DLGAP1: variants seen among roughly 807,000 people sequenced by gnomAD.
DLGAP1 encodes disks large-associated protein 1.
DLGAP1 carries 11 observed loss-of-function variants against 90.8 expected under a neutral mutation model. That is an observed-to-expected ratio of 0.12 (90% CI 0.08 to 0.20). The LOEUF is 0.20. Among genes scored for constraint, DLGAP1 ranks in the 10% least tolerant of loss-of-function variants. The pLI, the probability that DLGAP1 is intolerant of heterozygous loss-of-function variation, is 1.00. For missense variants in DLGAP1, 1,050 were observed against 1,333.8 expected (o/e 0.79, Z 3.31); for synonymous variants, 558 against 540.7 (o/e 1.03, Z -0.44).
intron 7 of DLGAP1, among the ~76,000 whole-genome samples, chr18:3,632,523 G>A (rs111635108): frequency 0.12 from 17,817 of 152,036 alleles, 1,217 homozygotes; most frequent in African/African-American, 0.12. Flanking sequence ...GGCTGGTCTT[G>A]AACTCCTGAC....
At chr18:3,645,209 G>A (rs988453224) in intron 7 of DLGAP1, among the ~76,000 whole-genome samples, 1 of 152,046 alleles carries the variant, frequency 6.6e-6, no homozygotes, top group Non-Finnish European at 1.5e-5. Flanking sequence ...AGGATCACCT[G>A]AGCCTCCCGA....
intron 3 of DLGAP1, among the ~76,000 whole-genome samples, chr18:3,938,201 T>C (rs1172871782): frequency 6.6e-6 from 1 of 152,112 alleles, no homozygotes; most frequent in African/African-American, 2.4e-5. Flanking sequence ...TTGGAAAACA[T>C]TAAAAACTCC....
intron 2 of DLGAP1, among the ~76,000 whole-genome samples, chr18:4,103,633 A>G (rs1316416610): frequency 6.6e-6 from 1 of 152,164 alleles, no homozygotes; most frequent in Non-Finnish European, 1.5e-5. Context: ...AGTATTGAAT[A>G]ATACCTGAGA....
At chr18:4,017,507 C>T (rs1410463160) in intron 2 of DLGAP1, among the ~76,000 whole-genome samples, 1 of 152,166 alleles carries the variant, frequency 6.6e-6, no homozygotes, top group Non-Finnish European at 1.5e-5. Flanking sequence ...GATTTTTACT[C>T]ATTTTCCTCA....
At chr18:4,157,794 C>T (rs79401238) in intron 1 of DLGAP1, among the ~76,000 whole-genome samples, 4 of 152,102 alleles carry the variant, frequency 2.6e-5, no homozygotes, top group African/African-American at 4.8e-5. Flanking sequence ...CATGAGAGCA[C>T]GAGTAAGTGT....
intron 1 of DLGAP1, among the ~76,000 whole-genome samples, chr18:4,334,325 G>GC (rs1555783929): frequency 2.7e-4 from 41 of 149,318 alleles, no homozygotes; most frequent in Non-Finnish European, 4.9e-4. Context: ...TAAGTACTTT[G>GC]TTTTTTTTGT....
chr18:4,018,336 T>A (rs543237052), intron 2 of DLGAP1, among the ~76,000 whole-genome samples: 42 of 152,326 alleles, frequency 2.8e-4, no homozygotes, highest in African/African-American at 1.0e-3. Flanking sequence ...TGAGTCTTTG[T>A]ATCCCCCGCA....
chr18:3,674,318 T>TATA (rs2060216347), intron 7 of DLGAP1, among the ~76,000 whole-genome samples: 1 of 145,870 alleles, frequency 6.9e-6, no homozygotes. Context: ...TATATGTATA[T>TATA]TTTAAAAAAT....
chr18:4,089,425 A>T (rs576969737), intron 2 of DLGAP1, among the ~76,000 whole-genome samples: 3 of 152,296 alleles, frequency 2.0e-5, no homozygotes, highest in Non-Finnish European at 4.4e-5. Flanking sequence ...TACCATTGAC[A>T]TTCTTCGTAG....
At chr18:4,263,404 T>G (rs1265344702) in intron 1 of DLGAP1, among the ~76,000 whole-genome samples, 2 of 152,222 alleles carry the variant, frequency 1.3e-5, no homozygotes, top group African/African-American at 4.8e-5. Flanking sequence ...TTCCATTCAT[T>G]TAAATGAATT....
intron 11 of DLGAP1, 121 bp from the exon 12 acceptor site, chr18:3,502,766 G>T: frequency 1.8e-6 from 2 of 1,101,892 alleles, no homozygotes; most frequent in East Asian, 4.9e-5. Flanking sequence ...TTGGTTTTCC[G>T]ACACGAGGTA....
At chr18:4,259,486 TAGAC>T (rs2078962694) in intron 1 of DLGAP1, among the ~76,000 whole-genome samples, 1 of 152,202 alleles carries the variant, frequency 6.6e-6, no homozygotes, top group Non-Finnish European at 1.5e-5. Context: ...TGGCAAATGG[TAGAC>T]AGAAGATTGT....
At chr18:3,855,614 A>T (rs922046393) in intron 4 of DLGAP1, among the ~76,000 whole-genome samples, 5 of 151,984 alleles carry the variant, frequency 3.3e-5, no homozygotes, top group African/African-American at 1.2e-4. Context: ...TTAATTAATT[A>T]ATTAATTTAT....
At chr18:4,422,204 T>C (rs1338499549) in intron 1 of DLGAP1, among the ~76,000 whole-genome samples, 1 of 151,582 alleles carries the variant, frequency 6.6e-6, no homozygotes, top group African/African-American at 2.4e-5. Context: ...TAAACAAGTG[T>C]ATATATAAAA....
intron 5 of DLGAP1, among the ~76,000 whole-genome samples, chr18:3,743,354 A>T (rs956406002): frequency 2.0e-5 from 3 of 149,660 alleles, no homozygotes; most frequent in South Asian, 2.1e-4. Context: ...TTTAATTTTA[A>T]TTTTTTTTTT....
intron 1 of DLGAP1, among the ~76,000 whole-genome samples, chr18:4,267,057 T>G (rs1255624894): frequency 2.0e-5 from 3 of 152,222 alleles, no homozygotes; most frequent in Admixed American, 1.3e-4. Flanking sequence ...TTGCCTTTTC[T>G]TTTTCTTCTG....
At chr18:4,284,063 G>A (rs2145452197) in intron 1 of DLGAP1, among the ~76,000 whole-genome samples, 1 of 152,114 alleles carries the variant, frequency 6.6e-6, no homozygotes, top group South Asian at 2.1e-4. Context: ...CTGGTACTGA[G>A]GAGGTGGAGG....
At chr18:4,299,837 G>A (rs9950711) in intron 1 of DLGAP1, among the ~76,000 whole-genome samples, 32,771 of 151,940 alleles carry the variant, frequency 0.22, 3,630 homozygotes, top group African/African-American at 0.25. Flanking sequence ...TAAAAGTGAT[G>A]TTTTTAACTA....
intron 1 of DLGAP1, among the ~76,000 whole-genome samples, chr18:4,393,740 T>C (rs7243910): frequency 0.14 from 21,337 of 152,234 alleles, 2,866 homozygotes; most frequent in African/African-American, 0.35. Context: ...CACCAGGGAC[T>C]GGTTTCATGG....
Sources: allele counts gnomAD v4.1 joint callset (sites outside exome capture counted in the v4.1 genomes callset), GRCh38; gene constraint gnomAD v4.1.1; transcripts MANE v1.5; gene names NCBI Gene and HGNC (gene_info 2026-07-23, HGNC 2026-07-21).